ATP10B: variants seen among roughly 807,000 people sequenced by gnomAD.
ATP10B encodes the protein ATPase phospholipid transporting 10B (putative).
Under a neutral mutation model 141.2 loss-of-function variants are expected in ATP10B, and 122 were observed. The ratio of observed to expected loss-of-function variants is 0.86; its 90% CI spans 0.75 to 1.00. ATP10B has a LOEUF of 1.00. Ranked by LOEUF, ATP10B falls within the 50% of genes least tolerant of loss-of-function variation. The probability of loss-of-function intolerance (pLI) is 0.00; values close to 1 mark genes in which losing one functional copy is unlikely to be tolerated. For missense variants in ATP10B, 1,876 were observed against 1,825.3 expected, an observed-to-expected ratio of 1.03 and a Z score of -0.51; for synonymous variants, 685 against 692.0, an observed-to-expected ratio of 0.99 and a Z score of 0.16.
Position 160,620,765 on chromosome 5 carries a change from T to C in ATP10B, c.1998A>G (p.Ala666=). 1 of 1,614,206 alleles carries C rather than the reference T, an allele frequency of 6.2e-7. No individual in the cohort carries two copies. Among genetic ancestry groups the C allele is most frequent in the Non-Finnish European group, 8.5e-7 (1 of 1,180,032 alleles). The part of the protein sequence containing the change: ...ATTDSDERDD[A]SVCSGGDSTD... ...TGGAGTCACCTCCACTGCACACAGA[T>C]GCATCATCTCTCTCATCCGAGTCTG... The change falls in exon 15 of 26, where the codon GCA becomes GCG. Residue 666 remains alanine (A), a synonymous_variant. Coordinates refer to ENST00000327245, the MANE Select transcript of ATP10B (RefSeq NM_025153.3).
At chr5:160,744,131 A>C (rs1767652656) in intron 2 of ATP10B, among the ~76,000 whole-genome samples, 2 of 152,212 alleles carry the variant, frequency 1.3e-5, no homozygotes, top group Non-Finnish European at 2.9e-5. Context: ...TGTCAGCCTC[A>C]GCCTCATCAT....
chr5:160,615,901 C>G lies in ATP10B; in HGVS notation c.2590G>C (p.Asp864His). Residue 864 changes from aspartate to histidine, a missense_variant, in exon 17 of 26, where the codon GAC (aspartate) becomes CAC (histidine). Transcript: ENST00000327245. ...TCCATGAGAAGCTCATCTCGGTTGT[C>G]GAGGGATGCCTCAGCCTCACGCCGG... is the stretch of plus-strand genomic sequence containing the variant. ...SFRREAEASL[D>H]NRDELLMETA... 1 of 1,613,898 alleles carries G rather than the reference C, an allele frequency of 6.2e-7. No individual in the cohort carries two copies. Among genetic ancestry groups the G allele is most frequent in the Non-Finnish European group, 8.5e-7 (1 of 1,179,854 alleles).
intron 3 of ATP10B, among the ~76,000 whole-genome samples, chr5:160,716,074 A>G (rs1441155138): frequency 6.6e-6 from 1 of 152,172 alleles, no homozygotes; most frequent in Admixed American, 6.5e-5. Context: ...TTTCACATCT[A>G]TATACATACC....
At chr5:160,816,315 G>A (rs1043233756) in intron 1 of ATP10B, among the ~76,000 whole-genome samples, 2 of 151,538 alleles carry the variant, frequency 1.3e-5, no homozygotes, top group African/African-American at 2.4e-5. Context: ...AATGATAAAG[G>A]GGATATCACC....
chr5:160,650,055 G>A (rs1760600530), intron 7 of ATP10B, among the ~76,000 whole-genome samples: 1 of 151,508 alleles, frequency 6.6e-6, no homozygotes, highest in Non-Finnish European at 1.5e-5. Context: ...GTTGCAGTGA[G>A]CCAAGATCGC....
intron 2 of ATP10B, among the ~76,000 whole-genome samples, chr5:160,756,818 AATAAGTT>A (rs1369079615): frequency 6.6e-6 from 1 of 152,114 alleles, no homozygotes; most frequent in Non-Finnish European, 1.5e-5. Flanking sequence ...GGGTTGTCTT[AATAAGTT>A]ATAAGAGTTC....
intron 1 of ATP10B, among the ~76,000 whole-genome samples, chr5:160,813,278 C>T (rs1253495191): frequency 6.6e-6 from 1 of 152,242 alleles, no homozygotes; most frequent in African/African-American, 2.4e-5. Context: ...TCGGGTCACT[C>T]CCAACCTAAT....
chr5:160,688,977 G>T (rs1383248155), intron 3 of ATP10B, 34 bp from the exon 4 acceptor site: 1 of 979,770 alleles, frequency 1.0e-6, no homozygotes, highest in East Asian at 1.1e-4. Flanking sequence ...CAGATGGTCT[G>T]CCCAGGTGGC....
chr5:160,639,737 A>T (rs1430098085), intron 10 of ATP10B, among the ~76,000 whole-genome samples: 2 of 152,186 alleles, frequency 1.3e-5, no homozygotes, highest in African/African-American at 4.8e-5. Context: ...AGATGGTTTC[A>T]GGGGTTTCAG....
At chr5:160,619,664 C>T (rs552670868) in intron 15 of ATP10B, among the ~76,000 whole-genome samples, 1 of 152,240 alleles carries the variant, frequency 6.6e-6, no homozygotes, top group Admixed American at 6.5e-5. Flanking sequence ...ACTGTCTTCT[C>T]CTTGTTAGCA....
chr5:160,770,198 TTCTC>T (rs140851194), intron 2 of ATP10B, among the ~76,000 whole-genome samples: 4 of 151,216 alleles, frequency 2.6e-5, no homozygotes, highest in South Asian at 2.1e-4. Flanking sequence ...ATCCTCTCTC[TTCTC>T]TCTCTCTCTG....
At chr5:160,884,888 T>C in the ATP10B span, among the ~76,000 whole-genome samples, 1 of 152,168 alleles carries the variant, frequency 6.6e-6, no homozygotes. Context: ...GATGTTTAAT[T>C]GCAGGAAAAA....
At chr5:160,837,061 C>G in intron 1 of ATP10B, among the ~76,000 whole-genome samples, 1 of 152,250 alleles carries the variant, frequency 6.6e-6, no homozygotes, top group East Asian at 1.9e-4. Context: ...GATCTTACCA[C>G]ATATTCAGGC....
chr5:160,669,522 A>G (rs751879762), intron 7 of ATP10B, among the ~76,000 whole-genome samples: 7 of 151,624 alleles, frequency 4.6e-5, no homozygotes, highest in Non-Finnish European at 1.0e-4. Flanking sequence ...TGTCTGAGGT[A>G]CCATTTATGA....
At chr5:160,569,792 C>G in intron 24 of ATP10B, 109 bp from the exon 25 acceptor site, 1 of 910,778 alleles carries the variant, frequency 1.1e-6, no homozygotes, top group South Asian at 2.0e-5. Flanking sequence ...AAATGCAAAA[C>G]ACACAAAATT....
At position 160,634,479 on chromosome 5, in the gene ATP10B, T is replaced by G. The variant is rs751401103; in HGVS notation, c.1256A>C (p.Asn419Thr). ...GATCTGGCCCAAGTCCTCTGCGATGTTGAGGGCTCGACATTGAATGGATAA... is the reference window on the plus strand; with the variant it reads ...GATCTGGCCCAAGTCCTCTGCGATGGTGAGGGCTCGACATTGAATGGATAA... The part of the protein sequence containing the change: ...TDLSIQCRAL[N>T]IAEDLGQIQY... Residue 419 changes from asparagine (N) to threonine (T), a missense_variant, in exon 12 of 26, where the codon AAC becomes ACC. Asn to Thr is a moderately conservative substitution (Grantham distance 65). Coordinates refer to ENST00000327245, the MANE Select transcript of ATP10B (RefSeq NM_025153.3). 15 of 1,614,182 alleles carry G rather than the reference T, an allele frequency of 9.3e-6. No individual in the cohort carries two copies. The Middle Eastern group carries it at 2.1e-3, about 231-fold the overall frequency.
At chr5:160,741,992 A>G (rs1451566499) in intron 2 of ATP10B, among the ~76,000 whole-genome samples, 2 of 152,238 alleles carry the variant, frequency 1.3e-5, no homozygotes, top group Non-Finnish European at 2.9e-5. Flanking sequence ...GAAGAAATAC[A>G]GCTATGGAAA....
the ATP10B span, among the ~76,000 whole-genome samples, chr5:160,921,870 C>A: frequency 6.6e-6 from 1 of 152,142 alleles, no homozygotes; most frequent in Non-Finnish European, 1.5e-5. Flanking sequence ...GACTTATACC[C>A]GCAGGCAGCC....
At position 160,785,743 on chromosome 5, in the gene ATP10B, A is replaced by C; in HGVS notation, c.-515T>G. The C allele has an allele frequency of 8.2e-7, 1 of 1,219,244 alleles. No homozygotes were observed. The highest frequency in any genetic ancestry group is 1.1e-6 in the Non-Finnish European group (1 of 944,792). The allele number at this position is 1,219,244 out of a possible 1,614,324, so 75.5% of individuals were successfully genotyped here. On this transcript the variant is annotated 5_prime_UTR_variant, in exon 2 of 26. Transcript: ENST00000327245. ...ATAGGAAAAACTACTTACTCTTCAC[A>C]CTGTTGCTTTCATTGAAACAAATGT...
Sources: gnomAD v4.1 joint callset for allele counts (sites outside exome capture counted in the v4.1 genomes callset) on GRCh38, gnomAD v4.1.1 for gene constraint, MANE v1.5 for transcripts, NCBI Gene and HGNC (gene_info 2026-07-23, HGNC 2026-07-21) for gene names.